The following STX18 variants were observed in gnomAD, a reference collection of about 807,000 sequenced individuals.
STX18 encodes the protein syntaxin-18.
In STX18, 40 loss-of-function variants were observed where a neutral mutation model predicts 50.1. That is an observed-to-expected ratio of 0.80 (90% CI 0.62 to 1.04). The LOEUF (loss-of-function observed/expected upper bound fraction) is 1.04. Ranked by LOEUF, STX18 falls within the 50% of genes least tolerant of loss-of-function variation. STX18 has a pLI of 0.00. For synonymous variants in STX18, 158 were observed against 151.8 expected (o/e 1.04, Z -0.30); for missense variants, 410 against 415.8 (o/e 0.99, Z 0.12).
At chr4:4,457,104 G>T in intron 5 of STX18, 87 bp downstream of exon 5, 3 of 1,261,794 alleles carry the variant, frequency 2.4e-6, no homozygotes, top group Non-Finnish European at 3.4e-6. Flanking sequence ...ACGGTACATT[G>T]CATAGGGTAA....
At chr4:4,456,315 G>A (rs930943382) in intron 5 of STX18, among the ~76,000 whole-genome samples, 1 of 152,094 alleles carries the variant, frequency 6.6e-6, no homozygotes, top group South Asian at 2.1e-4. Context: ...ACAGTTATGT[G>A]ATGTTATCTT....
rs1731462810 is a variant in STX18, at chr4:4,538,988, G to A, written c.168+2809C>T. Among the ~76,000 whole-genome samples, 3 of 152,196 alleles carry A rather than the reference G, an allele frequency of 2.0e-5. No homozygotes were observed. In the South Asian group the frequency reaches 6.2e-4, roughly 32 times the overall value. On this transcript the variant is annotated intron_variant, in intron 1 of 10. Transcript: ENST00000306200. ...ATGCATTTGAGTATATATAAATTTAGTAAAATTGAGCATAAAAGTTAAATG... is the reference window on the plus strand; with the variant it reads ...ATGCATTTGAGTATATATAAATTTAATAAAATTGAGCATAAAAGTTAAATG...
chr4:4,474,915 T>A (rs6446651), intron 1 of STX18, among the ~76,000 whole-genome samples: 2 of 152,092 alleles, frequency 1.3e-5, no homozygotes, highest in African/African-American at 2.4e-5. Context: ...ACAAGTTTGA[T>A]GTAATTGGTT....
intron 2 of STX18, among the ~76,000 whole-genome samples, chr4:4,467,531 C>A (rs1727679662): frequency 6.6e-6 from 1 of 152,178 alleles, no homozygotes; most frequent in South Asian, 2.1e-4. Context: ...GGCAAGGATT[C>A]CATGGCCAGC....
intron 1 of STX18, among the ~76,000 whole-genome samples, 155 bp from the exon 2 acceptor site, chr4:4,471,861 A>G (rs1384712666): frequency 1.3e-5 from 2 of 152,356 alleles, no homozygotes; most frequent in East Asian, 3.9e-4. Context: ...GTCACAAATT[A>G]GTTACCATTC....
At chr4:4,457,099 A>T in intron 5 of STX18, 92 bp downstream of exon 5, 1 of 1,216,198 alleles carries the variant, frequency 8.2e-7, no homozygotes, top group Non-Finnish European at 1.2e-6. Flanking sequence ...CAAACACGGT[A>T]CATTGCATAG....
At chr4:4,541,664 C>G (rs1171460093) in intron 1 of STX18, 133 bp downstream of exon 1, 26 of 979,014 alleles carry the variant, frequency 2.7e-5, no homozygotes, top group Non-Finnish European at 3.6e-5. Context: ...GTCTCTGAGG[C>G]CAACTCTTCT....
intron 5 of STX18, chr4:4,453,660 C>T (rs1560171578): frequency 6.1e-6 from 6 of 982,902 alleles, no homozygotes; most frequent in Non-Finnish European, 7.2e-6. Flanking sequence ...TCTTTTATGC[C>T]TCCAGCAAAG....
chr4:4,537,144 A>G (rs538834165), intron 1 of STX18, among the ~76,000 whole-genome samples: 67 of 152,240 alleles, frequency 4.4e-4, no homozygotes, highest in African/African-American at 1.6e-3. Context: ...TAACCTTTAT[A>G]AGTCAGTAAG....
chr4:4,538,765 G>A (rs1560217109), intron 1 of STX18, among the ~76,000 whole-genome samples: 1 of 152,108 alleles, frequency 6.6e-6, no homozygotes, highest in Non-Finnish European at 1.5e-5. Flanking sequence ...TAGCAGAAGC[G>A]AGATTTGAAC....
rs56072370 is a variant in STX18 at position 4,462,142 on chromosome 4, C to G, written c.237-2655G>C. On this transcript the variant is annotated intron_variant, in intron 2 of 10. Coordinates refer to ENST00000306200, the MANE Select transcript of STX18 (RefSeq NM_016930.4). Reference sequence around the variant, plus strand: ...ACACGTGGGTCTCCACTGTGTTGATCTGACTCCTGCCTCCATTTCTTTCTT... The same window carrying G: ...ACACGTGGGTCTCCACTGTGTTGATGTGACTCCTGCCTCCATTTCTTTCTT... Among the ~76,000 whole-genome samples, 1,494 of 152,308 alleles carry G rather than the reference C, an allele frequency of 9.8e-3. 14 individuals carry two copies. Among genetic ancestry groups the G allele is most frequent in the South Asian group, 0.026 (127 of 4,826 alleles).
chr4:4,454,829 C>A (rs1427261996), intron 5 of STX18, among the ~76,000 whole-genome samples: 1 of 152,084 alleles, frequency 6.6e-6, no homozygotes, highest in Non-Finnish European at 1.5e-5. Context: ...AAATGAAATA[C>A]TAATATTTAA....
At chr4:4,442,904 T>C (rs1427253102) in intron 5 of STX18, among the ~76,000 whole-genome samples, 2 of 148,946 alleles carry the variant, frequency 1.3e-5, no homozygotes, top group Admixed American at 6.7e-5. Flanking sequence ...CAAATGCAAA[T>C]GGCTTTTAAA....
Position 4,537,766 on chromosome 4 carries a change from T to G in STX18, c.168+4031A>C, listed in dbSNP as rs936714909. 7.4e-4 allele frequency among the ~76,000 whole-genome samples: 113 copies of G among 152,220 alleles called. 6 individuals are homozygous for G. Among genetic ancestry groups the G allele is most frequent in the Non-Finnish European group, 1.5e-5 (1 of 68,040 alleles). ...CACTCTATTTTAGCCATAAGGTAACTGAAATTAAGTGGCTTCCCCAAGTTC... is the reference window on the plus strand; with the variant it reads ...CACTCTATTTTAGCCATAAGGTAACGGAAATTAAGTGGCTTCCCCAAGTTC... On this transcript the variant is annotated intron_variant, in intron 1 of 10. Transcript: ENST00000306200.
At chr4:4,493,147 T>C (rs1375127078) in intron 1 of STX18, among the ~76,000 whole-genome samples, 1 of 152,228 alleles carries the variant, frequency 6.6e-6, no homozygotes, top group Non-Finnish European at 1.5e-5. Context: ...ATATTTCTGC[T>C]TTCAGACAAT....
chr4:4,475,406 G>A (rs1728127972), intron 1 of STX18, among the ~76,000 whole-genome samples: 1 of 150,570 alleles, frequency 6.6e-6, no homozygotes, highest in African/African-American at 2.4e-5. Context: ...AAAAATAAAG[G>A]AACATTAAGA....
chr4:4,518,217 A>G (rs1017121169), intron 1 of STX18, among the ~76,000 whole-genome samples: 2 of 152,202 alleles, frequency 1.3e-5, no homozygotes, highest in African/African-American at 4.8e-5. Flanking sequence ...ATATATGTGG[A>G]TTTTCTTATA....
At chr4:4,499,028 C>G (rs1210556835) in intron 1 of STX18, among the ~76,000 whole-genome samples, 1 of 152,160 alleles carries the variant, frequency 6.6e-6, no homozygotes, top group Non-Finnish European at 1.5e-5. Flanking sequence ...AATGAAGAAG[C>G]TGAAAGTGCC....
intron 7 of STX18, 134 bp downstream of exon 7, chr4:4,434,636 T>C: frequency 2.9e-6 from 2 of 683,142 alleles, no homozygotes; most frequent in Non-Finnish European, 4.7e-6. Context: ...AAAGTGTATA[T>C]AAAATACACA....
Sources: allele counts gnomAD v4.1 joint callset (sites outside exome capture counted in the v4.1 genomes callset), GRCh38; gene constraint gnomAD v4.1.1; transcripts MANE v1.5; gene names NCBI Gene and HGNC (gene_info 2026-07-23, HGNC 2026-07-21).